Variants in LHFPL3 observed in about 807,000 individuals in gnomAD.
The protein encoded by LHFPL3 is LHFPL tetraspan subfamily member 3, also known as LHFPL tetraspan subfamily member 3 protein.
In LHFPL3, 5 loss-of-function variants were observed where a neutral mutation model predicts 19.3. The observed-to-expected ratio is 0.26, with a 90% confidence interval of 0.14 to 0.54. LHFPL3 has a LOEUF of 0.54. Ranked by LOEUF, LHFPL3 falls within the 20% of genes least tolerant of loss-of-function variation. The pLI is 0.94. For missense variants in LHFPL3, 249 were observed against 307.4 expected (o/e 0.81, Z 1.42); for synonymous variants, 133 against 126.2 (o/e 1.05, Z -0.36).
intron 1 of LHFPL3, among the ~76,000 whole-genome samples, chr7:104,662,777 T>G (rs1251355376): frequency 6.6e-6 from 1 of 152,154 alleles, no homozygotes; most frequent in Admixed American, 6.5e-5. Context: ...GGAAACAGGA[T>G]TTTCCCAAAT....
At chr7:104,394,945 C>T (rs781266444) in intron 1 of LHFPL3, among the ~76,000 whole-genome samples, 45 of 152,028 alleles carry the variant, frequency 3.0e-4, no homozygotes, top group Non-Finnish European at 5.3e-4. Flanking sequence ...GTGATCCACC[C>T]ACCTCGGCCT....
chr7:104,514,237 C>G (rs577417461), intron 1 of LHFPL3, among the ~76,000 whole-genome samples: 1 of 152,138 alleles, frequency 6.6e-6, no homozygotes, highest in African/African-American at 2.4e-5. Flanking sequence ...TCTTCTCTCC[C>G]TATTTTGCCT....
rs763596076 is a variant in LHFPL3, at chr7:104,328,785, C to G, written c.6C>G (p.Pro2=). Reference sequence around the variant, plus strand: ...GGAGGAGGAGGAGGGGGAGAATGCCCGGAGCCGCCGCCGCTGCCGCCGCCG... The same window carrying G: ...GGAGGAGGAGGAGGGGGAGAATGCCGGGAGCCGCCGCCGCTGCCGCCGCCG... M[P]GAAAAAAAAA... is the part of the protein sequence containing the mutation. The change falls in exon 1 of 3, where the codon CCC becomes CCG. Residue 2 remains proline (P), a synonymous_variant. Coordinates refer to ENST00000424859, the MANE Select transcript of LHFPL3 (RefSeq NM_199000.3). The surrounding 1 kb of genome is among the most constrained non-coding windows in gnomAD (Gnocchi z 4.6). The G allele has an allele frequency of 2.5e-6, 4 of 1,589,678 alleles. No individual in the cohort carries two copies. The highest frequency in any genetic ancestry group is 2.3e-5 in the East Asian group (1 of 43,374).
At chr7:104,345,102 A>G (rs1422965004) in intron 1 of LHFPL3, among the ~76,000 whole-genome samples, 1 of 152,178 alleles carries the variant, frequency 6.6e-6, no homozygotes, top group Non-Finnish European at 1.5e-5. Flanking sequence ...AGAATCATCT[A>G]GGCTTTTTAT....
intron 1 of LHFPL3, among the ~76,000 whole-genome samples, chr7:104,468,915 T>G (rs1356857174): frequency 5.3e-5 from 8 of 152,134 alleles, no homozygotes; most frequent in Non-Finnish European, 1.2e-4. Context: ...TGCCTCTTCC[T>G]CCCAAAGTGC....
intron 1 of LHFPL3, among the ~76,000 whole-genome samples, chr7:104,678,224 A>G (rs955487515): frequency 4.6e-5 from 7 of 152,192 alleles, no homozygotes; most frequent in African/African-American, 1.7e-4. Flanking sequence ...GGTTGTTGTT[A>G]TAAAGTGTAT....
chr7:104,334,897 G>C (rs1789760896), intron 1 of LHFPL3, among the ~76,000 whole-genome samples: 1 of 152,162 alleles, frequency 6.6e-6, no homozygotes, highest in East Asian at 1.9e-4. Flanking sequence ...TTTTCTTTCA[G>C]AAAGAGCAGG....
At position 104,562,549 on chromosome 7, in the gene LHFPL3, C is replaced by A. The variant is rs559775756; in HGVS notation, c.446-174126C>A. On this transcript the variant is annotated intron_variant, in intron 1 of 2. Transcript: ENST00000424859. ...TCAGCTCCATCAGCTCCTTTAAGCA[C>A]TTCTCTGTATTGGTTATTCTAGTTA... Among the ~76,000 whole-genome samples, 20 of 152,074 alleles carry A rather than the reference C, an allele frequency of 1.3e-4. No individual in the cohort carries two copies. In the East Asian group the frequency reaches 3.9e-3, roughly 29 times the overall value.
intron 1 of LHFPL3, among the ~76,000 whole-genome samples, chr7:104,687,367 T>C (rs1188678719): frequency 6.6e-6 from 1 of 152,216 alleles, no homozygotes; most frequent in Admixed American, 6.5e-5. Context: ...CTCAGTCTTT[T>C]TGGGTTTTTA....
At chr7:104,675,201 A>G (rs77800708) in intron 1 of LHFPL3, among the ~76,000 whole-genome samples, 1,776 of 152,368 alleles carry the variant, frequency 0.012, 19 homozygotes, top group Middle Eastern at 0.017. Flanking sequence ...GGTACTCACC[A>G]AGGAGACATC....
intron 1 of LHFPL3, among the ~76,000 whole-genome samples, chr7:104,412,169 T>C (rs1554390276): frequency 6.6e-6 from 1 of 152,006 alleles, no homozygotes; most frequent in Non-Finnish European, 1.5e-5. Flanking sequence ...AGTATACTTT[T>C]AAGTGCTGTA....
At chr7:104,614,648 CTTCTCTCCT>C (rs568995185) in intron 1 of LHFPL3, among the ~76,000 whole-genome samples, 67 of 94,486 alleles carry the variant, frequency 7.1e-4, no homozygotes, top group African/African-American at 1.9e-3. Context: ...CTTCTCTTCT[CTTCTCTCCT>C]TCCTTCCTTC....
chr7:104,896,925 C>T (rs1400400142), intron 2 of LHFPL3, among the ~76,000 whole-genome samples: 3 of 151,864 alleles, frequency 2.0e-5, no homozygotes, highest in Non-Finnish European at 2.9e-5. Context: ...ATCTCTACTA[C>T]AAATACAAAA....
At chr7:104,472,290 A>G (rs1479958984) in intron 1 of LHFPL3, among the ~76,000 whole-genome samples, 1 of 152,188 alleles carries the variant, frequency 6.6e-6, no homozygotes, top group Non-Finnish European at 1.5e-5. Context: ...TTCAGAAGCA[A>G]AGATTGATAG....
intron 1 of LHFPL3, among the ~76,000 whole-genome samples, chr7:104,361,252 G>A (rs891995357): frequency 6.6e-6 from 1 of 152,154 alleles, no homozygotes; most frequent in African/African-American, 2.4e-5. Flanking sequence ...TTTTAAGGCT[G>A]GTGGGAAAAT....
chr7:104,334,563 C>A lies in LHFPL3; in HGVS notation c.445+5339C>A, dbSNP rs1801626463. 2.0e-5 allele frequency among the ~76,000 whole-genome samples: 3 copies of A among 152,028 alleles called. No individual in the cohort carries two copies. The South Asian group carries it at 6.2e-4, about 32-fold the overall frequency. On this transcript the variant is annotated intron_variant, in intron 1 of 2. Transcript: ENST00000424859. Reference sequence around the variant, plus strand: ...CTCCATCTCAAAAGAAATAAAATTCCCATATGTTGTGGCAAGAAGTGAATG... The same window carrying A: ...CTCCATCTCAAAAGAAATAAAATTCACATATGTTGTGGCAAGAAGTGAATG...
chr7:104,398,467 T>C (rs1791238829), intron 1 of LHFPL3, among the ~76,000 whole-genome samples: 1 of 152,188 alleles, frequency 6.6e-6, no homozygotes, highest in African/African-American at 2.4e-5. Flanking sequence ...AGTCACTTTG[T>C]AATGGAACTA....
intron 2 of LHFPL3, among the ~76,000 whole-genome samples, chr7:104,869,802 T>C (rs947172726): frequency 1.3e-5 from 2 of 152,162 alleles, no homozygotes; most frequent in African/African-American, 4.8e-5. Context: ...GTATGTTTAT[T>C]GCGGCACTAT....
chr7:104,342,679 C>T (rs948322494), intron 1 of LHFPL3, among the ~76,000 whole-genome samples: 4 of 152,202 alleles, frequency 2.6e-5, no homozygotes, highest in African/African-American at 9.6e-5. Context: ...CTTCCCTTCT[C>T]TAAATCAATA....
Sources: allele counts gnomAD v4.1 joint callset (sites outside exome capture counted in the v4.1 genomes callset), GRCh38; gene constraint gnomAD v4.1.1; non-coding constraint Gnocchi (gnomAD v3.1); transcripts MANE v1.5; gene names NCBI Gene and HGNC (gene_info 2026-07-23, HGNC 2026-07-21).